Variants in CREG1 observed in about 807,000 individuals in gnomAD.
CREG1 encodes the protein cellular repressor of E1A stimulated genes 1.
Under a neutral mutation model 19.9 loss-of-function variants are expected in CREG1, and 20 were observed. That is an observed-to-expected ratio of 1.01 (90% CI 0.71 to 1.46). The LOEUF (loss-of-function observed/expected upper bound fraction) is 1.46, where lower values mean the gene tolerates loss of function less well. CREG1 is among the 40% of genes most tolerant of loss of function. The probability of loss-of-function intolerance (pLI) is 0.00; values close to 1 mark genes in which losing one functional copy is unlikely to be tolerated. For missense variants in CREG1, 290 were observed against 314.9 expected, an observed-to-expected ratio of 0.92 and a Z score of 0.60; for synonymous variants, 141 against 143.3, an observed-to-expected ratio of 0.98 and a Z score of 0.12.
intron 3 of CREG1, 121 bp from the exon 4 acceptor site, chr1:167,542,422 T>C: frequency 2.1e-6 from 2 of 951,016 alleles, no homozygotes; most frequent in African/African-American, 1.7e-5. Context: ...TTCAGTTCAT[T>C]TCAACCACTA....
At chr1:167,552,707 A>G (rs1367380365) in intron 1 of CREG1, among the ~76,000 whole-genome samples, 1 of 152,220 alleles carries the variant, frequency 6.6e-6, no homozygotes, top group Non-Finnish European at 1.5e-5. Flanking sequence ...CACATATTAA[A>G]GTGCTTAAGT....
intron 1 of CREG1, among the ~76,000 whole-genome samples, chr1:167,551,445 G>A (rs1656421884): frequency 6.6e-6 from 1 of 152,130 alleles, no homozygotes; most frequent in Non-Finnish European, 1.5e-5. Context: ...TAGGTTCCTT[G>A]CCACTGCCCT....
intron 3 of CREG1, among the ~76,000 whole-genome samples, chr1:167,545,867 G>A (rs1276663006): frequency 6.6e-6 from 1 of 151,602 alleles, no homozygotes; most frequent in African/African-American, 2.4e-5. Context: ...TTAATAAAAC[G>A]ATTATACCAC....
Position 167,541,141 on chromosome 1 carries a change from T to C in CREG1, c.*1157A>G, listed in dbSNP as rs1245957155. On this transcript the variant is annotated 3_prime_UTR_variant, in exon 4 of 4. Coordinates refer to ENST00000370509, the MANE Select transcript of CREG1 (RefSeq NM_003851.3). ...TCTCAGTTAAGTTCACTTTGCAGTT[T>C]TCAGACACAATGACTCATATTCAAC... 1 of 152,250 alleles carries C rather than the reference T, an allele frequency of 6.6e-6. No individual in the cohort carries two copies. The highest frequency in any genetic ancestry group is 1.5e-5 in the Non-Finnish European group (1 of 68,042). 9.4% of individuals were successfully genotyped at this position (152,250 alleles called of 1,614,324 possible).
At chr1:167,546,817 G>C (rs1302517203) in intron 2 of CREG1, among the ~76,000 whole-genome samples, 1 of 152,270 alleles carries the variant, frequency 6.6e-6, no homozygotes, top group Non-Finnish European at 1.5e-5. Context: ...GGAAACCACT[G>C]TAAGTATAAT....
chr1:167,553,721 C>A lies in CREG1; in HGVS notation c.21G>T (p.Gly7=). Reference sequence around the variant, plus strand: ...GGGCGGCGAGCAGTGCGCGCGCGGACCCGCGGGATAGCCCGGCCATGGCGG... The same window carrying A: ...GGGCGGCGAGCAGTGCGCGCGCGGAACCGCGGGATAGCCCGGCCATGGCGG... MAGLSR[G]SARALLAALL... Residue 7 remains glycine, a synonymous_variant, in exon 1 of 4, where the codon GGG becomes GGT. Transcript: ENST00000370509. 3.1e-6 allele frequency: 4 copies of A among 1,291,626 alleles called. No individual in the cohort carries two copies. The South Asian group carries it at 1.0e-4, about 32-fold the overall frequency. 80.0% of individuals were successfully genotyped at this position (1,291,626 alleles called of 1,614,324 possible). A position where few individuals can be genotyped will look rare whatever the true frequency, so the allele number is the denominator to read the frequency against.
chr1:167,543,374 C>A (rs1210838038), intron 3 of CREG1, among the ~76,000 whole-genome samples: 1 of 152,200 alleles, frequency 6.6e-6, no homozygotes, highest in African/African-American at 2.4e-5. Flanking sequence ...AGGCAAACCA[C>A]ATTCAGTTAA....
At chr1:167,549,214 G>T (rs1016681167) in intron 1 of CREG1, among the ~76,000 whole-genome samples, 3 of 152,152 alleles carry the variant, frequency 2.0e-5, no homozygotes, top group Non-Finnish European at 4.4e-5. Flanking sequence ...GGAGCCTGGG[G>T]TTGGGAGTGG....
chr1:167,543,874 G>A (rs1656271104), intron 3 of CREG1, among the ~76,000 whole-genome samples: 1 of 152,202 alleles, frequency 6.6e-6, no homozygotes, highest in South Asian at 2.1e-4. Context: ...AATAAAGTGG[G>A]AACCTCAAAA....
At chr1:167,545,691 G>A (rs1483247884) in intron 3 of CREG1, among the ~76,000 whole-genome samples, 2 of 151,966 alleles carry the variant, frequency 1.3e-5, no homozygotes, top group East Asian at 1.9e-4. Flanking sequence ...TGTATTCCCA[G>A]CTGCTTGGGA....
At chr1:167,552,409 G>T (rs1166671083) in intron 1 of CREG1, among the ~76,000 whole-genome samples, 2 of 152,200 alleles carry the variant, frequency 1.3e-5, no homozygotes, top group East Asian at 3.8e-4. Flanking sequence ...TCCATTCCTG[G>T]ACTCTGTGTG....
rs1038953438 is a variant in CREG1, at chr1:167,553,515, G to A, written c.227C>T (p.Thr76Met). Residue 76 changes from threonine to methionine, a missense_variant, in exon 1 of 4, where the codon ACG (threonine) becomes ATG (methionine). Transcript: ENST00000370509. ...GGGCCGGCCGCGCACCGCCTCCAGC[G>A]TGGAGATGGTGGCCAGAGCGCCCCA... is the stretch of plus-strand genomic sequence containing the variant. ...SDWGALATIS[T>M]LEAVRGRPFA... 5 of 1,489,322 alleles carry A rather than the reference G, an allele frequency of 3.4e-6. No individual in the cohort carries two copies. Among genetic ancestry groups the A allele is most frequent in the South Asian group, 1.3e-5 (1 of 79,602 alleles). 92.3% of individuals were successfully genotyped at this position (1,489,322 alleles called of 1,614,324 possible).
chr1:167,542,116 T>C lies in CREG1; in HGVS notation c.*182A>G. 1 of 512,794 alleles carries C rather than the reference T, an allele frequency of 2.0e-6. No homozygotes were observed. Among genetic ancestry groups the C allele is most frequent in the South Asian group, 4.3e-5 (1 of 23,342 alleles). The allele number at this position is 512,794 out of a possible 1,614,324, so 31.8% of individuals were successfully genotyped here. On this transcript the variant is annotated 3_prime_UTR_variant, in exon 4 of 4. Transcript: ENST00000370509. ...AGTAGCTACCACATCTTCCAGGAAA[T>C]CCAATAACAGGTCAACTCTATTGGT...
intron 3 of CREG1, 95 bp from the exon 4 acceptor site, chr1:167,542,396 G>T: frequency 8.2e-7 from 1 of 1,212,276 alleles, no homozygotes; most frequent in Admixed American, 2.4e-5. Context: ...TAAAATTTCT[G>T]ATCTAAATTA....
At chr1:167,550,781 A>G (rs976694274) in intron 1 of CREG1, among the ~76,000 whole-genome samples, 4 of 152,194 alleles carry the variant, frequency 2.6e-5, no homozygotes, top group African/African-American at 9.7e-5. Flanking sequence ...AGAAATGGAC[A>G]CACATCTGGA....
In CREG1 at chr1:167,548,094, T is replaced by C; in HGVS notation, c.382A>G (p.Thr128Ala). 2 of 1,613,012 alleles carry C rather than the reference T, an allele frequency of 1.2e-6. No homozygotes were observed. The highest frequency in any genetic ancestry group is 1.7e-6 in the Non-Finnish European group (2 of 1,178,984). Residue 128 changes from threonine (T) to alanine (A), a missense_variant, in exon 2 of 4, where the codon ACT (threonine) becomes GCT (alanine). By Grantham distance (58) the Thr-to-Ala change is moderately conservative. Coordinates refer to ENST00000370509, the MANE Select transcript of CREG1 (RefSeq NM_003851.3). ...TTGCAGAAGTTGGTCTGTGCCAAAG[T>C]CATGGTCAGTGTAGCATATGGATTC... ...QENPYATLTMTLAQTNFCKKH... is the reference protein window; with the variant it reads ...QENPYATLTMALAQTNFCKKH...
Position 167,546,305 on chromosome 1 carries a change from T to G in CREG1, c.475-20A>C, listed in dbSNP as rs1419949305. 2.0e-6 allele frequency: 3 copies of G among 1,474,810 alleles called. No individual in the cohort carries two copies. The highest frequency in any genetic ancestry group is 2.8e-6 in the Non-Finnish European group (3 of 1,076,538). 91.4% of individuals were successfully genotyped at this position (1,474,810 alleles called of 1,614,324 possible). ...ATTCACCTAAAGGACATATATGAAA[T>G]AAACATTCTTATGGCAGTAACACTT... On this transcript the variant is annotated intron_variant, in intron 2 of 3. Transcript: ENST00000370509.
chr1:167,548,444 T>C (rs1328689172), intron 1 of CREG1, among the ~76,000 whole-genome samples: 1 of 152,086 alleles, frequency 6.6e-6, no homozygotes, highest in African/African-American at 2.4e-5. Flanking sequence ...AAGGCTGTTC[T>C]ATAGGCTTCA....
chr1:167,542,338 C>A, intron 3 of CREG1, 37 bp from the exon 4 acceptor site: 1 of 1,583,084 alleles, frequency 6.3e-7, no homozygotes. Context: ...TTTTGTTAAA[C>A]TGGGTTAACA....
Sources: allele counts gnomAD v4.1 joint callset (sites outside exome capture counted in the v4.1 genomes callset), GRCh38; gene constraint gnomAD v4.1.1; transcripts MANE v1.5; gene names NCBI Gene and HGNC (gene_info 2026-07-23, HGNC 2026-07-21).